SGCZ: variants seen among roughly 807,000 people sequenced by gnomAD.
SGCZ encodes zeta-sarcoglycan.
A neutral mutation model predicts 41.3 loss-of-function variants in SGCZ; 40 were observed. The ratio of observed to expected loss-of-function variants is 0.97; its 90% CI spans 0.75 to 1.26. The LOEUF is 1.26. SGCZ is among the 50% of genes most tolerant of loss of function. SGCZ has a pLI of 0.00. For missense variants in SGCZ, 552 were observed against 369.8 expected, an observed-to-expected ratio of 1.49 and a Z score of -4.04; for synonymous variants, 206 against 137.5, an observed-to-expected ratio of 1.50 and a Z score of -3.49.
intron 5 of SGCZ, among the ~76,000 whole-genome samples, chr8:14,154,245 C>T (rs1803808311): frequency 1.3e-5 from 2 of 152,060 alleles, no homozygotes; most frequent in African/African-American, 4.8e-5. Flanking sequence ...TGGTGGTCGC[C>T]TGTAGTCCCA....
chr8:14,217,502 T>A (rs1045249396), intron 4 of SGCZ, among the ~76,000 whole-genome samples: 24 of 151,880 alleles, frequency 1.6e-4, no homozygotes, highest in African/African-American at 5.8e-4. Flanking sequence ...CACACTTATA[T>A]GGCACTTCCC....
At chr8:14,285,019 T>C (rs1440122908) in intron 3 of SGCZ, among the ~76,000 whole-genome samples, 1 of 152,148 alleles carries the variant, frequency 6.6e-6, no homozygotes, top group Admixed American at 6.5e-5. Flanking sequence ...ATTTTCCCTC[T>C]TTTATATTGG....
chr8:14,639,232 G>T (rs1464654702), intron 1 of SGCZ, among the ~76,000 whole-genome samples: 1 of 151,356 alleles, frequency 6.6e-6, no homozygotes, highest in Non-Finnish European at 1.5e-5. Flanking sequence ...CTGAAAGTTA[G>T]GAGAGGCAGC....
chr8:14,556,064 C>A (rs1804025959), intron 1 of SGCZ, among the ~76,000 whole-genome samples: 1 of 151,744 alleles, frequency 6.6e-6, no homozygotes, highest in Non-Finnish European at 1.5e-5. Flanking sequence ...TAAGCAAATG[C>A]ATTTTTTACT....
intron 1 of SGCZ, among the ~76,000 whole-genome samples, chr8:14,768,631 T>G (rs1045348321): frequency 6.6e-6 from 1 of 152,184 alleles, no homozygotes; most frequent in Admixed American, 6.5e-5. Flanking sequence ...GATCCAGAAC[T>G]AAGCTGCACG....
At chr8:14,248,438 T>C (rs1799180330) in intron 3 of SGCZ, among the ~76,000 whole-genome samples, 1 of 152,206 alleles carries the variant, frequency 6.6e-6, no homozygotes, top group African/African-American at 2.4e-5. Context: ...TCATGTTATA[T>C]GAGTATCATG....
chr8:15,093,812 C>T (rs1352322730), intron 1 of SGCZ, among the ~76,000 whole-genome samples: 3 of 152,148 alleles, frequency 2.0e-5, no homozygotes, highest in Admixed American at 1.3e-4. Context: ...ACACAATAAT[C>T]GGACCATTAA....
intron 2 of SGCZ, among the ~76,000 whole-genome samples, chr8:14,531,958 A>T (rs1353514658): frequency 6.6e-6 from 1 of 152,154 alleles, no homozygotes; most frequent in Non-Finnish European, 1.5e-5. Context: ...TTAAAATTCT[A>T]CATATAAAAC....
chr8:14,179,966 G>A (rs117745290), intron 4 of SGCZ, among the ~76,000 whole-genome samples: 1 of 152,152 alleles, frequency 6.6e-6, no homozygotes, highest in Non-Finnish European at 1.5e-5. Flanking sequence ...AGCACTAGGG[G>A]CCTCTCTGCC....
chr8:14,960,771 T>C (rs1382258713), intron 1 of SGCZ, among the ~76,000 whole-genome samples: 6 of 152,022 alleles, frequency 3.9e-5, no homozygotes, highest in Non-Finnish European at 1.5e-5. Flanking sequence ...CAAAGAGCAG[T>C]CATCATTTCT....
chr8:14,501,533 A>G (rs1398659840), intron 2 of SGCZ, among the ~76,000 whole-genome samples: 1 of 152,088 alleles, frequency 6.6e-6, no homozygotes, highest in East Asian at 1.9e-4. Flanking sequence ...TTAATCATAC[A>G]AGAGATCTAT....
At chr8:14,596,773 C>T (rs1805425986) in intron 1 of SGCZ, among the ~76,000 whole-genome samples, 1 of 152,064 alleles carries the variant, frequency 6.6e-6, no homozygotes, top group Admixed American at 6.6e-5. Context: ...ACCACCATGG[C>T]ACATGTATAC....
At chr8:14,124,295 C>T (rs1433104454) in intron 5 of SGCZ, among the ~76,000 whole-genome samples, 2 of 152,264 alleles carry the variant, frequency 1.3e-5, no homozygotes, top group Middle Eastern at 3.4e-3. Context: ...TCCTCTCTCT[C>T]TCTCCCTTTT....
intron 1 of SGCZ, among the ~76,000 whole-genome samples, chr8:15,178,121 A>C (rs1195935929): frequency 6.6e-6 from 1 of 151,544 alleles, no homozygotes; most frequent in Non-Finnish European, 1.5e-5. Context: ...TGGAGGAATC[A>C]CTCTTCCTGC....
At chr8:14,990,665 T>C (rs765276619) in intron 1 of SGCZ, among the ~76,000 whole-genome samples, 10 of 152,160 alleles carry the variant, frequency 6.6e-5, no homozygotes, top group Non-Finnish European at 1.5e-4. Context: ...TGGAGAGTTG[T>C]ATAATTATTT....
intron 4 of SGCZ, among the ~76,000 whole-genome samples, chr8:14,191,193 T>C (rs1805089324): frequency 6.6e-6 from 1 of 152,056 alleles, no homozygotes; most frequent in Admixed American, 6.6e-5. Flanking sequence ...GGGTTATTCA[T>C]TTTTTTTCTT....
intron 1 of SGCZ, among the ~76,000 whole-genome samples, chr8:15,159,951 A>C (rs74763824): frequency 6.6e-6 from 1 of 151,648 alleles, no homozygotes. Flanking sequence ...AGAGGTGTTC[A>C]TTATAGACGA....
chr8:14,834,606 C>G (rs1238324077), intron 1 of SGCZ, among the ~76,000 whole-genome samples: 1 of 152,144 alleles, frequency 6.6e-6, no homozygotes, highest in Non-Finnish European at 1.5e-5. Flanking sequence ...AGGAGAGAAA[C>G]TGAAAACTAT....
At chr8:14,418,225 G>C (rs1475512867) in intron 2 of SGCZ, among the ~76,000 whole-genome samples, 1 of 151,920 alleles carries the variant, frequency 6.6e-6, no homozygotes, top group Non-Finnish European at 1.5e-5. Context: ...TCACTTTAAA[G>C]TATTCTATCA....
Sources: gnomAD v4.1 joint callset for allele counts (sites outside exome capture counted in the v4.1 genomes callset) on GRCh38, gnomAD v4.1.1 for gene constraint, MANE v1.5 for transcripts, NCBI Gene and HGNC (gene_info 2026-07-23, HGNC 2026-07-21) for gene names.